Variants in PXDNL observed in about 807,000 individuals in gnomAD.
PXDNL encodes probable oxidoreductase PXDNL.
Under a neutral mutation model 150.8 loss-of-function variants are expected in PXDNL, and 145 were observed. That is an observed-to-expected ratio of 0.96 (90% CI 0.84 to 1.10). PXDNL has a LOEUF of 1.10. Ranked by LOEUF, PXDNL falls within the 50% of genes least tolerant of loss-of-function variation. The pLI is 0.00. For synonymous variants in PXDNL, 757 were observed against 725.7 expected (o/e 1.04, Z -0.69); for missense variants, 2,087 against 1,873.9 (o/e 1.11, Z -2.10).
intron 3 of PXDNL, among the ~76,000 whole-genome samples, chr8:51,570,214 G>T (rs1812904894): frequency 6.6e-6 from 1 of 151,840 alleles, no homozygotes; most frequent in Admixed American, 6.6e-5. Context: ...GAAGAGTCTG[G>T]CAGAGAAGTG....
intron 1 of PXDNL, among the ~76,000 whole-genome samples, chr8:51,698,984 C>A (rs1816197230): frequency 6.6e-6 from 1 of 152,144 alleles, no homozygotes; most frequent in Non-Finnish European, 1.5e-5. Context: ...CTCACTAAAC[C>A]TTGCGGTAAA....
chr8:51,406,154 TC>T (rs1376969605), intron 17 of PXDNL, among the ~76,000 whole-genome samples: 4 of 152,178 alleles, frequency 2.6e-5, no homozygotes, highest in African/African-American at 7.2e-5. Context: ...GAAGAAACAT[TC>T]CGGGTACTCT....
chr8:51,766,205 T>G (rs1485453864), intron 1 of PXDNL, among the ~76,000 whole-genome samples: 1 of 152,186 alleles, frequency 6.6e-6, no homozygotes, highest in Non-Finnish European at 1.5e-5. Flanking sequence ...TCGTTTGCAT[T>G]AATACCACCT....
At chr8:51,712,999 C>A (rs1167395281) in intron 1 of PXDNL, among the ~76,000 whole-genome samples, 1 of 152,304 alleles carries the variant, frequency 6.6e-6, no homozygotes, top group African/African-American at 2.4e-5. Context: ...ACAATTAAAT[C>A]TCTAACGTGA....
At chr8:51,552,224 A>G (rs1408794570) in intron 4 of PXDNL, among the ~76,000 whole-genome samples, 1 of 151,988 alleles carries the variant, frequency 6.6e-6, no homozygotes, top group African/African-American at 2.4e-5. Flanking sequence ...CACTTTTACA[A>G]TGCTGGTGGG....
intron 21 of PXDNL, among the ~76,000 whole-genome samples, chr8:51,323,970 C>G (rs1051861475): frequency 6.6e-6 from 1 of 151,256 alleles, no homozygotes. Flanking sequence ...GAATCTTGTA[C>G]GGGTCATTAG....
At chr8:51,432,143 T>A (rs1013806637) in intron 12 of PXDNL, among the ~76,000 whole-genome samples, 1 of 152,170 alleles carries the variant, frequency 6.6e-6, no homozygotes, top group Non-Finnish European at 1.5e-5. Flanking sequence ...TATCTGGAAT[T>A]GATTTTGGTG....
intron 19 of PXDNL, among the ~76,000 whole-genome samples, chr8:51,356,237 C>T (rs1806503443): frequency 6.6e-6 from 1 of 152,162 alleles, no homozygotes; most frequent in African/African-American, 2.4e-5. Context: ...GCCTGCAATC[C>T]CAGCACCTTG....
chr8:51,617,051 T>C (rs1814144896), intron 2 of PXDNL, among the ~76,000 whole-genome samples: 1 of 152,184 alleles, frequency 6.6e-6, no homozygotes, highest in Non-Finnish European at 1.5e-5. Context: ...TACATGTATA[T>C]CTAAAAGAGG....
intron 19 of PXDNL, among the ~76,000 whole-genome samples, chr8:51,370,498 T>A (rs1192029038): frequency 6.6e-6 from 1 of 152,206 alleles, no homozygotes; most frequent in Admixed American, 6.5e-5. Flanking sequence ...TTCCTGGATC[T>A]AATCACTAAG....
intron 8 of PXDNL, among the ~76,000 whole-genome samples, chr8:51,468,835 A>G (rs74362308): frequency 0.04 from 6,011 of 152,082 alleles, 276 homozygotes; most frequent in East Asian, 0.25. Context: ...TAATTTAACT[A>G]TGTTCTCTCT....
At chr8:51,736,189 A>G (rs1403825858) in intron 1 of PXDNL, among the ~76,000 whole-genome samples, 1 of 152,242 alleles carries the variant, frequency 6.6e-6, no homozygotes, top group African/African-American at 2.4e-5. Flanking sequence ...GGAGAGGAAC[A>G]TACATTTATG....
intron 1 of PXDNL, among the ~76,000 whole-genome samples, chr8:51,793,748 G>A (rs1369615957): frequency 1.3e-5 from 2 of 151,926 alleles, no homozygotes; most frequent in African/African-American, 4.8e-5. Flanking sequence ...AATTAGTTGG[G>A]CGTGGTGACT....
At chr8:51,386,838 GAA>G (rs1203106571) in intron 17 of PXDNL, among the ~76,000 whole-genome samples, 3 of 148,344 alleles carry the variant, frequency 2.0e-5, no homozygotes, top group African/African-American at 7.6e-5. Context: ...AAAAAAAAAA[GAA>G]AGAGTCTTTT....
chr8:51,483,655 G>A lies in PXDNL; in HGVS notation c.512C>T (p.Ser171Leu). 6.6e-7 allele frequency: 1 copy of A among 1,517,414 alleles called. No homozygotes were observed. Among genetic ancestry groups the A allele is most frequent in the Non-Finnish European group, 8.9e-7 (1 of 1,120,002 alleles). 94.0% of individuals were successfully genotyped at this position (1,517,414 alleles called of 1,614,324 possible). A position where few individuals can be genotyped will look rare whatever the true frequency, so the allele number is the denominator to read the frequency against. ...IPAGSFSNLD[S>L]LKRLRLDSNA... ...TGCTTTCACTTACAATCTTTTTAAT[G>A]AATCCAGATTAGAAAAGCTCCCAGC... The change falls in exon 6 of 23, where the codon TCA (serine) becomes TTA (leucine). Residue 171 changes from serine (S) to leucine (L), a missense_variant. By Grantham distance (145) the Ser-to-Leu change is moderately radical. Transcript: ENST00000356297.
At chr8:51,688,001 A>G (rs1467964597) in intron 1 of PXDNL, among the ~76,000 whole-genome samples, 1 of 152,248 alleles carries the variant, frequency 6.6e-6, no homozygotes, top group Non-Finnish European at 1.5e-5. Context: ...TACAATTCCA[A>G]TGATCTCAAT....
chr8:51,515,919 A>C (rs1811524783), intron 4 of PXDNL, among the ~76,000 whole-genome samples: 1 of 152,144 alleles, frequency 6.6e-6, no homozygotes, highest in Non-Finnish European at 1.5e-5. Context: ...GTCTGGTTCA[A>C]GTTTTTATAT....
At chr8:51,567,065 TATAA>T (rs1186531541) in intron 3 of PXDNL, among the ~76,000 whole-genome samples, 1 of 151,852 alleles carries the variant, frequency 6.6e-6, no homozygotes, top group Non-Finnish European at 1.5e-5. Flanking sequence ...GTGTTTAATC[TATAA>T]ATATTTTGTT....
intron 19 of PXDNL, among the ~76,000 whole-genome samples, chr8:51,350,123 T>C (rs532258095): frequency 4.6e-4 from 70 of 151,782 alleles, no homozygotes; most frequent in Admixed American, 4.1e-3. Flanking sequence ...TAAAGTTTAA[T>C]AGACAAAAAA....
Sources: allele counts gnomAD v4.1 joint callset (sites outside exome capture counted in the v4.1 genomes callset), GRCh38; gene constraint gnomAD v4.1.1; transcripts MANE v1.5; gene names NCBI Gene and HGNC (gene_info 2026-07-23, HGNC 2026-07-21).